ADAMTS12: variants seen among roughly 807,000 people sequenced by gnomAD.
The protein encoded by ADAMTS12 is ADAM metallopeptidase with thrombospondin type 1 motif 12.
ADAMTS12 carries 118 observed loss-of-function variants against 167.8 expected under a neutral mutation model. The observed-to-expected ratio is 0.70, with a 90% CI of 0.61 to 0.82. The LOEUF is 0.82. Ranked by LOEUF, ADAMTS12 falls within the 40% of genes least tolerant of loss-of-function variation. The probability of loss-of-function intolerance (pLI) is 0.00; values close to 1 mark genes in which losing one functional copy is unlikely to be tolerated. For synonymous variants in ADAMTS12, 704 were observed against 716.9 expected (o/e 0.98, Z 0.29); for missense variants, 1,916 against 1,998.8 (o/e 0.96, Z 0.79).
chr5:33,652,522 G>A (rs1277458312), intron 7 of ADAMTS12, among the ~76,000 whole-genome samples: 3 of 151,968 alleles, frequency 2.0e-5, no homozygotes, highest in African/African-American at 4.8e-5. Flanking sequence ...ATAGATTCTC[G>A]ATATTAGTCC....
At chr5:33,765,989 C>A (rs886355939) in intron 2 of ADAMTS12, among the ~76,000 whole-genome samples, 1 of 152,062 alleles carries the variant, frequency 6.6e-6, no homozygotes, top group Non-Finnish European at 1.5e-5. Flanking sequence ...GGTAAATCTT[C>A]GGTTGTTCTG....
chr5:33,879,093 T>C (rs1416912970), intron 2 of ADAMTS12, among the ~76,000 whole-genome samples: 1 of 152,160 alleles, frequency 6.6e-6, no homozygotes, highest in Non-Finnish European at 1.5e-5. Flanking sequence ...CTAAAATTCA[T>C]GGTGATGGCT....
intron 7 of ADAMTS12, among the ~76,000 whole-genome samples, chr5:33,651,217 T>C (rs1445545881): frequency 6.6e-6 from 1 of 152,188 alleles, no homozygotes; most frequent in African/African-American, 2.4e-5. Flanking sequence ...CAAGTTTGAC[T>C]GTTCAGTAGT....
chr5:33,885,960 G>C (rs903934269), intron 1 of ADAMTS12, among the ~76,000 whole-genome samples: 1 of 152,228 alleles, frequency 6.6e-6, no homozygotes, highest in Non-Finnish European at 1.5e-5. Flanking sequence ...AATAGTCCCA[G>C]ATCTGAGTTA....
Position 33,751,285 on chromosome 5 carries a change from A to T in ADAMTS12, c.634+119T>A, listed in dbSNP as rs1744965547. On this transcript the variant is annotated intron_variant, in intron 3 of 23. Coordinates refer to ENST00000504830, the MANE Select transcript of ADAMTS12 (RefSeq NM_030955.4). ...GAGATTTGAATGTCATGAAGATATT[A>T]AAAAAAAAAGAATACAGAGGAGATA... is the stretch of plus-strand genomic sequence containing the variant. 8 of 1,049,644 alleles carry T rather than the reference A, an allele frequency of 7.6e-6. No homozygotes were observed. The African/African-American group carries it at 1.5e-4, about 20-fold the overall frequency. 65.0% of individuals were successfully genotyped at this position (1,049,644 alleles called of 1,614,324 possible).
chr5:33,794,615 C>T (rs1270416095), intron 2 of ADAMTS12, among the ~76,000 whole-genome samples: 2 of 107,586 alleles, frequency 1.9e-5, no homozygotes, highest in Non-Finnish European at 2.1e-5. Context: ...CAGGTAGGCA[C>T]GGCACTTCTT....
chr5:33,752,070 A>G (rs539208415), intron 2 of ADAMTS12, among the ~76,000 whole-genome samples: 1 of 152,342 alleles, frequency 6.6e-6, no homozygotes, highest in South Asian at 2.1e-4. Context: ...AAAGTCCTTG[A>G]TCTGAGACTG....
intron 5 of ADAMTS12, among the ~76,000 whole-genome samples, chr5:33,668,251 A>G (rs7718526): frequency 4.1e-5 from 6 of 146,476 alleles, no homozygotes; most frequent in African/African-American, 1.5e-4. Context: ...TTTTATAATA[A>G]AGTGTTGAAT....
chr5:33,768,393 G>A (rs1044650780), intron 2 of ADAMTS12, among the ~76,000 whole-genome samples: 1 of 152,014 alleles, frequency 6.6e-6, no homozygotes, highest in African/African-American at 2.4e-5. Flanking sequence ...AGAGGCATAG[G>A]GGTTATCAAA....
chr5:33,857,050 G>A (rs775044948), intron 2 of ADAMTS12, among the ~76,000 whole-genome samples: 33 of 152,190 alleles, frequency 2.2e-4, no homozygotes, highest in Non-Finnish European at 3.1e-4. Context: ...ATGTACACGT[G>A]TGTATATGTG....
chr5:33,789,531 C>T (rs1746449969), intron 2 of ADAMTS12, among the ~76,000 whole-genome samples: 2 of 152,180 alleles, frequency 1.3e-5, no homozygotes, highest in African/African-American at 4.8e-5. Flanking sequence ...ATTGGTCTCT[C>T]TGGAGGAAAG....
chr5:33,793,015 AAC>A (rs1333647052), intron 2 of ADAMTS12, among the ~76,000 whole-genome samples: 1 of 152,228 alleles, frequency 6.6e-6, no homozygotes, highest in Admixed American at 6.5e-5. Flanking sequence ...GAGTTCTGGG[AAC>A]CAGGCTTAGT....
Position 33,549,281 on chromosome 5 carries a change from C to T in ADAMTS12, c.4228G>A (p.Gly1410Ser), listed in dbSNP as rs142376011. ...CTCATGCTCAATGGGGGAGGAATGC[C>T]GGCCAGGAACTGGCAGTGAAATGGC... is the stretch of plus-strand genomic sequence containing the variant. ...LRPFHCQFLA[G>S]IPPPLSMSCN... Residue 1410 changes from glycine (G) to serine (S), a missense_variant, in exon 21 of 24, where the codon GGC becomes AGC. Physicochemically the swap from Gly to Ser is moderately conservative, Grantham distance 56 (BLOSUM62 0). Coordinates refer to ENST00000504830, the MANE Select transcript of ADAMTS12 (RefSeq NM_030955.4). The T allele has an allele frequency of 7.4e-5, 119 of 1,614,100 alleles. 1 individual carries two copies. The highest frequency in any genetic ancestry group is 1.6e-4 in the Middle Eastern group (1 of 6,084).
At chr5:33,600,197 C>T in intron 16 of ADAMTS12, among the ~76,000 whole-genome samples, 1 of 152,198 alleles carries the variant, frequency 6.6e-6, no homozygotes, top group East Asian at 1.9e-4. Context: ...CCAGATGATT[C>T]TGAATGCCTT....
chr5:33,766,278 G>C (rs1024771105), intron 2 of ADAMTS12, among the ~76,000 whole-genome samples: 3 of 152,170 alleles, frequency 2.0e-5, no homozygotes, highest in Non-Finnish European at 2.9e-5. Context: ...GACATGACCA[G>C]AGTGGCATGT....
At chr5:33,841,994 C>T (rs1342776447) in intron 2 of ADAMTS12, among the ~76,000 whole-genome samples, 1 of 152,172 alleles carries the variant, frequency 6.6e-6, no homozygotes, top group East Asian at 1.9e-4. Context: ...ACACCATCCC[C>T]TTTTTGACTT....
rs77241984 is a variant in ADAMTS12 at position 33,673,179 on chromosome 5, C to T, written c.915+9839G>A. On this transcript the variant is annotated intron_variant, in intron 5 of 23. Transcript: ENST00000504830. ...CTCTTTGTCCACTTCCTGGGCTCCTCTGTGAGCCCTTCTTCTTCTGTCCTT... is the reference window on the plus strand; with the variant it reads ...CTCTTTGTCCACTTCCTGGGCTCCTTTGTGAGCCCTTCTTCTTCTGTCCTT... 3.5e-3 allele frequency among the ~76,000 whole-genome samples: 529 copies of T among 152,332 alleles called. 21 individuals carry two copies. In the East Asian group the frequency reaches 0.085, roughly 25 times the overall value.
intron 16 of ADAMTS12, among the ~76,000 whole-genome samples, chr5:33,607,432 T>C (rs6895257): frequency 0.58 from 88,227 of 151,994 alleles, 25,890 homozygotes; most frequent in East Asian, 0.82. Flanking sequence ...AAAATAATTC[T>C]TAAAGAATCC....
intron 19 of ADAMTS12, 90 bp from the exon 20 acceptor site, chr5:33,561,269 C>G: frequency 6.7e-7 from 1 of 1,498,828 alleles, no homozygotes. Context: ...AGTTCTCAGT[C>G]CCGTTTGCTA....
Sources: gnomAD v4.1 joint callset for allele counts (sites outside exome capture counted in the v4.1 genomes callset) on GRCh38, gnomAD v4.1.1 for gene constraint, MANE v1.5 for transcripts, NCBI Gene and HGNC (gene_info 2026-07-23, HGNC 2026-07-21) for gene names.